ADAMTS19: variants seen among roughly 807,000 people sequenced by gnomAD.
The protein encoded by ADAMTS19 is ADAM metallopeptidase with thrombospondin type 1 motif 19, also known as A disintegrin and metalloproteinase with thrombospondin motifs 19.
ADAMTS19 carries 93 observed loss-of-function variants against 153.3 expected under a neutral mutation model. That is an observed-to-expected ratio of 0.61 (90% CI 0.51 to 0.72). ADAMTS19 has a LOEUF of 0.72. ADAMTS19 is among the 30% of genes least tolerant of loss of function. The pLI, the probability that ADAMTS19 is intolerant of heterozygous loss-of-function variation, is 0.00. For missense variants in ADAMTS19, 1,482 were observed against 1,552.1 expected, an observed-to-expected ratio of 0.95 and a Z score of 0.76; for synonymous variants, 600 against 556.6, an observed-to-expected ratio of 1.08 and a Z score of -1.10.
intron 16 of ADAMTS19, among the ~76,000 whole-genome samples, chr5:129,678,446 G>GT (rs1434510118): frequency 2.6e-5 from 4 of 152,064 alleles, no homozygotes; most frequent in Non-Finnish European, 5.9e-5. Flanking sequence ...CAGTTAGAGT[G>GT]TAAGTTCCAT....
At chr5:129,546,507 G>A (rs925246078) in intron 6 of ADAMTS19, among the ~76,000 whole-genome samples, 2 of 150,592 alleles carry the variant, frequency 1.3e-5, no homozygotes, top group African/African-American at 5.0e-5. Context: ...GAAAGCAAAT[G>A]CATGAAAAAA....
intron 19 of ADAMTS19, among the ~76,000 whole-genome samples, chr5:129,697,687 C>T (rs1414588941): frequency 6.6e-6 from 1 of 152,218 alleles, no homozygotes; most frequent in African/African-American, 2.4e-5. Flanking sequence ...TGGGTCATTT[C>T]CACTCAGTGC....
intron 3 of ADAMTS19, among the ~76,000 whole-genome samples, chr5:129,523,729 A>T (rs1751906258): frequency 6.6e-6 from 1 of 152,158 alleles, no homozygotes; most frequent in Non-Finnish European, 1.5e-5. Context: ...CAGACTATAG[A>T]GAATACCTAG....
chr5:129,704,365 G>A lies in ADAMTS19; in HGVS notation c.3286G>A (p.Val1096Met), dbSNP rs140571078. 7 of 1,614,004 alleles carry A rather than the reference G, an allele frequency of 4.3e-6. No homozygotes were observed. The South Asian group carries it at 5.5e-5, about 13-fold the overall frequency. The change falls in exon 21 of 23, where the codon GTG becomes ATG. Residue 1096 changes from valine to methionine, a missense_variant. By Grantham distance (21) the Val-to-Met change is conservative (BLOSUM62 1). Transcript: ENST00000274487. ...EDCEDYSKCY[V>M]WRMGDWSKCS... ...CTGTGAGGATTATTCAAAATGCTAT[G>A]TGTGGCGAATGGGTGACTGGTCTAA...
At chr5:129,614,299 A>AAACTGAATGCAGCAG (rs1347498750) in intron 8 of ADAMTS19, among the ~76,000 whole-genome samples, 1 of 152,200 alleles carries the variant, frequency 6.6e-6, no homozygotes, top group East Asian at 1.9e-4. Context: ...AAATACTGGC[A>AAACTGAATGCAGCAG]AACTGAATGC....
rs1047313105 is a variant in ADAMTS19 at position 129,564,749 on chromosome 5, C to T, written c.1372+12842C>T. On this transcript the variant is annotated intron_variant, in intron 7 of 22. Coordinates refer to ENST00000274487, the MANE Select transcript of ADAMTS19 (RefSeq NM_133638.6). Reference sequence around the variant, plus strand: ...ACTGTGGTACAGAAAGGAAAGGGGTCGGGAAAATTGGTCCTTCAAGGAGGT... The same window carrying T: ...ACTGTGGTACAGAAAGGAAAGGGGTTGGGAAAATTGGTCCTTCAAGGAGGT... 5.3e-5 allele frequency among the ~76,000 whole-genome samples: 8 copies of T among 151,992 alleles called. No homozygotes were observed. The East Asian group carries it at 7.7e-4, about 15-fold the overall frequency.
At chr5:129,474,078 A>G (rs1161477031) in intron 2 of ADAMTS19, among the ~76,000 whole-genome samples, 1 of 152,096 alleles carries the variant, frequency 6.6e-6, no homozygotes, top group Non-Finnish European at 1.5e-5. Context: ...GTTCCTATCT[A>G]CAGTCCCAGG....
intron 6 of ADAMTS19, among the ~76,000 whole-genome samples, chr5:129,533,331 A>C (rs1752282782): frequency 6.6e-6 from 1 of 152,132 alleles, no homozygotes; most frequent in Non-Finnish European, 1.5e-5. Context: ...GTCAAAATTC[A>C]CCAATCTTCT....
intron 6 of ADAMTS19, among the ~76,000 whole-genome samples, chr5:129,538,182 T>C (rs533044615): frequency 7.8e-4 from 118 of 152,192 alleles, no homozygotes; most frequent in Non-Finnish European, 1.3e-3. Context: ...ACAAATGCAA[T>C]ATATATTACA....
chr5:129,601,180 T>C (rs1308671085), intron 8 of ADAMTS19, among the ~76,000 whole-genome samples: 6 of 152,162 alleles, frequency 3.9e-5, no homozygotes, highest in Admixed American at 2.6e-4. Context: ...CCAGGAGTTA[T>C]TATTTTTCTG....
intron 7 of ADAMTS19, among the ~76,000 whole-genome samples, chr5:129,587,719 C>T (rs573159607): frequency 6.6e-6 from 1 of 152,108 alleles, no homozygotes; most frequent in South Asian, 2.1e-4. Context: ...CTCAATTCTC[C>T]AGTTTTGTTA....
In ADAMTS19 at chr5:129,654,243, C is replaced by T. The variant is rs1392398999; in HGVS notation, c.2177-63C>T. On this transcript the variant is annotated intron_variant, in intron 13 of 22. Coordinates refer to ENST00000274487, the MANE Select transcript of ADAMTS19 (RefSeq NM_133638.6). ...TCAATAACGATTCTTAAAAATGAAG[C>T]TTAAGATAAAAATATTTATGGGGTA... 4 of 1,459,764 alleles carry T rather than the reference C, an allele frequency of 2.7e-6. No homozygotes were observed. The African/African-American group carries it at 4.3e-5, about 16-fold the overall frequency. The allele number at this position is 1,459,764 out of a possible 1,614,324, so 90.4% of individuals were successfully genotyped here. A position where few individuals can be genotyped will look rare whatever the true frequency, so the allele number is the denominator to read the frequency against.
chr5:129,568,932 CA>C (rs1289776923), intron 7 of ADAMTS19, among the ~76,000 whole-genome samples: 6 of 151,096 alleles, frequency 4.0e-5, no homozygotes, highest in African/African-American at 9.7e-5. Flanking sequence ...ACAACATCAA[CA>C]AAAAAAATAA....
At chr5:129,522,730 G>A (rs1751867040) in intron 3 of ADAMTS19, among the ~76,000 whole-genome samples, 1 of 151,990 alleles carries the variant, frequency 6.6e-6, no homozygotes, top group Non-Finnish European at 1.5e-5. Flanking sequence ...GGGCATAGAA[G>A]TCATAATACA....
intron 10 of ADAMTS19, among the ~76,000 whole-genome samples, chr5:129,626,286 T>G (rs1399572619): frequency 1.3e-5 from 2 of 152,112 alleles, no homozygotes; most frequent in Non-Finnish European, 2.9e-5. Flanking sequence ...GATCTCATAT[T>G]TAAACTAATT....
Position 129,734,985 on chromosome 5 carries a change from T to C in ADAMTS19, c.3366T>C (p.His1122=). The part of the protein sequence containing the change: ...GMQSRVIQCM[H]KITGRHGNEC... Reference sequence around the variant, plus strand: ...AGTCCCGTGTAATCCAATGCATGCATAAGATCACAGGAAGACATGGAAATG... The same window carrying C: ...AGTCCCGTGTAATCCAATGCATGCACAAGATCACAGGAAGACATGGAAATG... The change falls in exon 22 of 23, where the codon CAT becomes CAC. Residue 1122 remains histidine, a synonymous_variant. Transcript: ENST00000274487. 6.2e-7 allele frequency: 1 copy of C among 1,611,944 alleles called. No homozygotes were observed. Among genetic ancestry groups the C allele is most frequent in the South Asian group, 1.1e-5 (1 of 90,840 alleles).
intron 20 of ADAMTS19, 51 bp downstream of exon 20, chr5:129,701,643 G>T (rs1755862417): frequency 6.3e-7 from 1 of 1,585,286 alleles, no homozygotes; most frequent in African/African-American, 1.3e-5. Context: ...CTCCTAGCTT[G>T]TACAAGATCA....
At chr5:129,487,180 T>A (rs374499864) in intron 2 of ADAMTS19, among the ~76,000 whole-genome samples, 45 of 152,284 alleles carry the variant, frequency 3.0e-4, no homozygotes, top group East Asian at 1.3e-3. Flanking sequence ...TTATTTATTT[T>A]TTTACATTTT....
chr5:129,502,473 A>G (rs74947209), intron 2 of ADAMTS19, among the ~76,000 whole-genome samples: 1,636 of 152,168 alleles, frequency 0.011, 39 homozygotes, highest in African/African-American at 0.038. Context: ...CTAAGGATTG[A>G]TTTTCGTTAT....
Sources: allele counts gnomAD v4.1 joint callset (sites outside exome capture counted in the v4.1 genomes callset), GRCh38; gene constraint gnomAD v4.1.1; transcripts MANE v1.5; gene names NCBI Gene and HGNC (gene_info 2026-07-23, HGNC 2026-07-21).